ME1: variants seen among roughly 807,000 people sequenced by gnomAD.
The protein encoded by ME1 is NADP-dependent malic enzyme.
In ME1, 74 loss-of-function variants were observed where a neutral mutation model predicts 66.4. That is an observed-to-expected ratio of 1.11 (90% CI 0.92 to 1.35). The LOEUF (loss-of-function observed/expected upper bound fraction) is 1.35, where lower values mean the gene tolerates loss of function less well. Ranked by LOEUF, ME1 falls within the 40% of genes most tolerant of loss-of-function variation. The pLI is 0.00. For synonymous variants in ME1, 251 were observed against 235.6 expected, an observed-to-expected ratio of 1.07 and a Z score of -0.60; for missense variants, 750 against 694.1, an observed-to-expected ratio of 1.08 and a Z score of -0.90.
intron 6 of ME1, among the ~76,000 whole-genome samples, chr6:83,263,437 G>A (rs917506037): frequency 2.6e-5 from 4 of 152,140 alleles, no homozygotes; most frequent in Admixed American, 1.3e-4. Flanking sequence ...CCTGTTGTAC[G>A]AAGCAGTTAG....
At chr6:83,286,433 C>A (rs1767397997) in intron 6 of ME1, among the ~76,000 whole-genome samples, 1 of 152,012 alleles carries the variant, frequency 6.6e-6, no homozygotes. Flanking sequence ...ATTTTTCTCC[C>A]TTGATGTCAA....
chr6:83,270,764 C>A (rs1321181035), intron 6 of ME1, among the ~76,000 whole-genome samples: 4 of 152,008 alleles, frequency 2.6e-5, no homozygotes, highest in African/African-American at 9.7e-5. Flanking sequence ...TAGAAAATAC[C>A]TTTTCACAGT....
chr6:83,286,248 A>T (rs1376639551), intron 6 of ME1, among the ~76,000 whole-genome samples: 1 of 152,172 alleles, frequency 6.6e-6, no homozygotes, highest in Non-Finnish European at 1.5e-5. Context: ...AATTGTAAGT[A>T]TCTCATAGTT....
chr6:83,334,373 G>T (rs1297318503), intron 5 of ME1, among the ~76,000 whole-genome samples: 1 of 89,960 alleles, frequency 1.1e-5, no homozygotes, highest in Non-Finnish European at 2.2e-5. Flanking sequence ...CTGCAAGGCG[G>T]CAACGAGGCT....
In ME1 at chr6:83,239,610, G is replaced by T; in HGVS notation, c.841C>A (p.Leu281Ile). The T allele has an allele frequency of 6.2e-7, 1 of 1,612,996 alleles. No homozygotes were observed. The highest frequency in any genetic ancestry group is 8.5e-7 in the Non-Finnish European group (1 of 1,179,108). Residue 281 changes from leucine to isoleucine, a missense_variant, in exon 8 of 14, where the codon CTC becomes ATC. Transcript: ENST00000369705. ...QGTASVAVAG[L>I]LAALRITKNK... is the part of the protein sequence containing the mutation. ...TTGGTTATTCGAAGAGCTGCAAGGA[G>T]ACCTGCAACTGCAACAGATGCTGTT...
At chr6:83,239,505 T>C in intron 8 of ME1, 34 bp downstream of exon 8, 1 of 1,408,690 alleles carries the variant, frequency 7.1e-7, no homozygotes, top group South Asian at 1.2e-5. Flanking sequence ...ATATGTTAGT[T>C]TAGGAGAACA....
rs531383503 is a variant in ME1, at chr6:83,211,309, T to G, written c.*615A>C. On this transcript the variant is annotated 3_prime_UTR_variant, in exon 14 of 14. Coordinates refer to ENST00000369705, the MANE Select transcript of ME1 (RefSeq NM_002395.6). ...GTAATAAGAGCTTTACTCTATGAGA[T>G]GTAACAATGACAAAAGAATATTAAA... is the stretch of plus-strand genomic sequence containing the variant. 4 of 152,654 alleles carry G rather than the reference T, an allele frequency of 2.6e-5. No homozygotes were observed. Among genetic ancestry groups the G allele is most frequent in the Non-Finnish European group, 5.9e-5 (4 of 68,040 alleles). 9.5% of individuals were successfully genotyped at this position (152,654 alleles called of 1,614,324 possible).
intron 12 of ME1, among the ~76,000 whole-genome samples, chr6:83,221,480 G>A (rs1055161452): frequency 3.3e-5 from 5 of 152,182 alleles, no homozygotes; most frequent in Non-Finnish European, 2.9e-5. Flanking sequence ...TATGGGATGA[G>A]GGAGAATGAA....
At chr6:83,312,902 C>T (rs1008867207) in intron 6 of ME1, among the ~76,000 whole-genome samples, 5 of 152,250 alleles carry the variant, frequency 3.3e-5, no homozygotes, top group East Asian at 1.9e-4. Flanking sequence ...TACAGGCATA[C>T]GCCACCATGC....
At chr6:83,306,675 T>C (rs1328080980) in intron 6 of ME1, among the ~76,000 whole-genome samples, 2 of 152,100 alleles carry the variant, frequency 1.3e-5, no homozygotes, top group African/African-American at 2.4e-5. Flanking sequence ...TTCAGATATA[T>C]GCCACTGTAG....
chr6:83,373,956 T>C (rs1392856102), intron 3 of ME1, among the ~76,000 whole-genome samples: 2 of 152,244 alleles, frequency 1.3e-5, no homozygotes, highest in Non-Finnish European at 2.9e-5. Context: ...TTTTTATGGC[T>C]GCATACTATT....
intron 5 of ME1, among the ~76,000 whole-genome samples, chr6:83,327,297 G>A (rs1334985998): frequency 6.6e-6 from 1 of 152,204 alleles, no homozygotes; most frequent in Non-Finnish European, 1.5e-5. Flanking sequence ...CAGGGAATAA[G>A]AGAGATAACC....
chr6:83,404,039 C>T (rs1418414566), intron 2 of ME1, among the ~76,000 whole-genome samples: 2 of 152,092 alleles, frequency 1.3e-5, no homozygotes, highest in African/African-American at 4.8e-5. Flanking sequence ...ATTGTGGGGT[C>T]AAATGGTGTT....
At chr6:83,262,215 G>C (rs957198840) in intron 6 of ME1, among the ~76,000 whole-genome samples, 1 of 152,024 alleles carries the variant, frequency 6.6e-6, no homozygotes, top group Non-Finnish European at 1.5e-5. Flanking sequence ...GTGAAAGAGG[G>C]AACATCATGG....
At chr6:83,297,207 T>C (rs532593009) in intron 6 of ME1, among the ~76,000 whole-genome samples, 7 of 152,000 alleles carry the variant, frequency 4.6e-5, no homozygotes, top group Admixed American at 6.5e-5. Flanking sequence ...CCATTCACAA[T>C]TGCCATAAAA....
intron 3 of ME1, among the ~76,000 whole-genome samples, chr6:83,385,945 A>G (rs1769496061): frequency 6.6e-6 from 1 of 151,940 alleles, no homozygotes; most frequent in Non-Finnish European, 1.5e-5. Context: ...CACTTTTAAT[A>G]AATAATTATC....
chr6:83,378,536 G>C (rs757306564), intron 3 of ME1, among the ~76,000 whole-genome samples: 2 of 152,112 alleles, frequency 1.3e-5, no homozygotes, highest in Non-Finnish European at 2.9e-5. Context: ...CAGGTTGAAT[G>C]AGTCAGAAAT....
At position 83,223,818 on chromosome 6, in the gene ME1, C is replaced by A. The variant is rs777067500; in HGVS notation, c.1391G>T (p.Gly464Val). 1 of 1,613,934 alleles carries A rather than the reference C, an allele frequency of 6.2e-7. No individual in the cohort carries two copies. Among genetic ancestry groups the A allele is most frequent in the Non-Finnish European group, 8.5e-7 (1 of 1,179,874 alleles). Residue 464 changes from glycine (G) to valine (V), a missense_variant, in exon 12 of 14, where the codon GGT (glycine) becomes GTT (valine). Coordinates refer to ENST00000369705, the MANE Select transcript of ME1 (RefSeq NM_002395.6). Reference sequence around the variant, plus strand: ...CTGCCTCAATCCACACGCCACAACACCAAGAGCAACTCCAGGGAACACATA... The same window carrying A: ...CTGCCTCAATCCACACGCCACAACAACAAGAGCAACTCCAGGGAACACATA... Reference protein sequence around the residue: ...NSYVFPGVALGVVACGLRQIT... With the variant: ...NSYVFPGVALVVVACGLRQIT...
chr6:83,210,610 C>G lies in ME1; in HGVS notation c.*1314G>C, dbSNP rs552045343. 7.2e-5 allele frequency: 11 copies of G among 152,260 alleles called. No homozygotes were observed. The highest frequency in any genetic ancestry group is 1.6e-4 in the Non-Finnish European group (11 of 68,018). The allele number at this position is 152,260 out of a possible 1,614,324, so 9.4% of individuals were successfully genotyped here. ...ATACCTTAACCTCTTCTGCTCATAC[C>G]TAAAACAATTTGTGTAACCTTCAAC... On this transcript the variant is annotated 3_prime_UTR_variant, in exon 14 of 14. Coordinates refer to ENST00000369705, the MANE Select transcript of ME1 (RefSeq NM_002395.6).
Sources: gnomAD v4.1 joint callset for allele counts (sites outside exome capture counted in the v4.1 genomes callset) on GRCh38, gnomAD v4.1.1 for gene constraint, MANE v1.5 for transcripts, NCBI Gene and HGNC (gene_info 2026-07-23, HGNC 2026-07-21) for gene names.